The following SPRY3 variants were observed in gnomAD, a reference collection of about 807,000 sequenced individuals.
The protein encoded by SPRY3 is sprouty RTK signaling antagonist 3, also known as protein sprouty homolog 3.
SPRY3 carries 15 observed loss-of-function variants against 20.2 expected under a neutral mutation model. That is an observed-to-expected ratio of 0.74 (90% CI 0.50 to 1.14). The LOEUF is 1.14. SPRY3 is among the 50% of genes most tolerant of loss of function. The probability of loss-of-function intolerance (pLI) is 0.00; values close to 1 mark genes in which losing one functional copy is unlikely to be tolerated. For missense variants in SPRY3, 364 were observed against 363.9 expected, an observed-to-expected ratio of 1.00 and a Z score of 0.00; for synonymous variants, 143 against 136.5, an observed-to-expected ratio of 1.05 and a Z score of -0.33.
At chrX:155,730,044 G>A (rs1214974665) in intron 2 of SPRY3, among the ~76,000 whole-genome samples, 1 of 150,348 alleles carries the variant, frequency 6.7e-6, no homozygotes, top group Admixed American at 6.6e-5. Context: ...GCAAGTAACA[G>A]GATCAAAGTC....
intron 2 of SPRY3, among the ~76,000 whole-genome samples, chrX:155,693,110 A>G (rs1412329027): frequency 9.0e-6 from 1 of 111,317 alleles, no homozygotes; most frequent in African/African-American, 3.3e-5. Flanking sequence ...CTTTCCAAAA[A>G]ACATTTACAA....
chrX:155,780,805 TGAAAGAAA>T (rs1165287001), downstream of SPRY3: 1 of 166,710 alleles, frequency 6.0e-6, no homozygotes, highest in African/African-American at 2.4e-5. Context: ...TAAACCATAT[TGAAAGAAA>T]GAAAGAAAAA....
chrX:155,767,878 A>T (rs1019110824), intron 2 of SPRY3, 84 bp from the exon 2 acceptor site: 2 of 153,740 alleles, frequency 1.3e-5, no homozygotes, highest in Non-Finnish European at 2.9e-5. Context: ...ATGCCACTAC[A>T]GGTTTGACTC....
chrX:155,667,070 T>C (rs1002538373), intron 2 of SPRY3, among the ~76,000 whole-genome samples: 24 of 111,253 alleles, frequency 2.2e-4, no homozygotes, highest in Non-Finnish European at 3.6e-4. Flanking sequence ...ATACATTTAG[T>C]GATATTGAAG....
chrX:155,762,970 G>A (rs2091310264), intron 2 of SPRY3, among the ~76,000 whole-genome samples: 2 of 152,094 alleles, frequency 1.3e-5, no homozygotes, highest in South Asian at 4.2e-4. Context: ...ATCAACCTGG[G>A]TGCCCATCAG....
intron 2 of SPRY3, among the ~76,000 whole-genome samples, chrX:155,745,929 TA>T (rs2091223498): frequency 6.6e-6 from 1 of 152,012 alleles, no homozygotes; most frequent in South Asian, 2.1e-4. Flanking sequence ...GGACCAGGAA[TA>T]AGAGCGAGCG....
rs1485840180 is a variant in SPRY3 at position 155,762,054 on chromosome X, T to G, written c.-281-5908T>G. On this transcript the variant is annotated intron_variant, in intron 2 of 3. Transcript: ENST00000675360. ...TCTCTAACTTTGTACCAAATATTCC[T>G]ACTTGAAAATGTCTCATCTTTACCT... 4.6e-5 allele frequency among the ~76,000 whole-genome samples: 7 copies of G among 152,166 alleles called. No homozygotes were observed. The East Asian group carries it at 1.3e-3, about 29-fold the overall frequency.
intron 2 of SPRY3, among the ~76,000 whole-genome samples, chrX:155,763,517 T>G (rs150487329): frequency 0.016 from 2,480 of 152,278 alleles, 68 homozygotes; most frequent in African/African-American, 0.057. Context: ...TTTTATTCCT[T>G]TGTTCTAAAA....
At chrX:155,738,557 T>C (rs2091183871) in intron 2 of SPRY3, among the ~76,000 whole-genome samples, 1 of 152,088 alleles carries the variant, frequency 6.6e-6, no homozygotes, top group Admixed American at 6.5e-5. Context: ...GGCAGATGGC[T>C]CGACCCATGG....
intron 2 of SPRY3, among the ~76,000 whole-genome samples, chrX:155,766,931 C>G (rs537523227): frequency 6.6e-6 from 1 of 152,172 alleles, no homozygotes; most frequent in East Asian, 1.9e-4. Flanking sequence ...TGGGAGGAAC[C>G]CTTAAACAAA....
intron 2 of SPRY3, among the ~76,000 whole-genome samples, chrX:155,743,048 A>C (rs2091210775): frequency 6.6e-6 from 1 of 152,086 alleles, no homozygotes; most frequent in Non-Finnish European, 1.5e-5. Flanking sequence ...TTTTTGAAAA[A>C]ATTAATAAAA....
At chrX:155,717,582 G>A (rs1602959922) in intron 2 of SPRY3, among the ~76,000 whole-genome samples, 2 of 151,928 alleles carry the variant, frequency 1.3e-5, no homozygotes, top group South Asian at 4.2e-4. Flanking sequence ...ACAGGCCCCG[G>A]TGTGTGATCT....
At chrX:155,713,865 G>T (rs2091003529) in intron 2 of SPRY3, among the ~76,000 whole-genome samples, 1 of 151,940 alleles carries the variant, frequency 6.6e-6, no homozygotes, top group South Asian at 2.1e-4. Context: ...CAGATCTGTA[G>T]GCATACTTCA....
chrX:155,773,336 A>ATATATATT (rs1255722618), intron 3 of SPRY3, among the ~76,000 whole-genome samples: 57 of 145,354 alleles, frequency 3.9e-4, no homozygotes, highest in Non-Finnish European at 8.0e-4. Flanking sequence ...ATATATATAT[A>ATATATATT]TATATGAGCA....
chrX:155,717,118 C>A (rs752916482), intron 2 of SPRY3, among the ~76,000 whole-genome samples: 1 of 146,718 alleles, frequency 6.8e-6, no homozygotes, highest in South Asian at 2.2e-4. Context: ...GAGATCACAC[C>A]ACTGCACTCC....
chrX:155,720,018 C>T (rs764040538), intron 2 of SPRY3, among the ~76,000 whole-genome samples: 1 of 152,222 alleles, frequency 6.6e-6, no homozygotes, highest in South Asian at 2.1e-4. Context: ...CAGGACTTGG[C>T]TCTTTGATGG....
intron 2 of SPRY3, among the ~76,000 whole-genome samples, chrX:155,657,184 G>T (rs1302951514): frequency 8.9e-6 from 1 of 111,812 alleles, no homozygotes; most frequent in Non-Finnish European, 1.9e-5. Flanking sequence ...CTGGCAGGCG[G>T]GAATGTTTAA....
intron 2 of SPRY3, among the ~76,000 whole-genome samples, chrX:155,675,745 TAA>T (rs781994988): frequency 1.8e-5 from 2 of 111,838 alleles, no homozygotes; most frequent in Non-Finnish European, 3.8e-5. Context: ...CAAGAGTGCA[TAA>T]AATGCAAAAT....
chrX:155,742,947 C>T (rs1233394241), intron 2 of SPRY3, among the ~76,000 whole-genome samples: 2 of 151,860 alleles, frequency 1.3e-5, no homozygotes, highest in Non-Finnish European at 2.9e-5. Flanking sequence ...CCAAAGCTAG[C>T]AGAAGACAAG....
Sources: allele counts gnomAD v4.1 joint callset (sites outside exome capture counted in the v4.1 genomes callset), GRCh38; gene constraint gnomAD v4.1.1; transcripts MANE v1.5; gene names NCBI Gene and HGNC (gene_info 2026-07-23, HGNC 2026-07-21).